Variants in HMGXB3 observed in about 807,000 individuals in gnomAD.
HMGXB3 encodes HMG domain-containing protein 3.
In HMGXB3, 45 loss-of-function variants were observed where a neutral mutation model predicts 121.5. The ratio of observed to expected loss-of-function variants is 0.37; its 90% CI spans 0.29 to 0.47. HMGXB3 has a LOEUF of 0.47. HMGXB3 is among the 20% of genes least tolerant of loss of function. The pLI, the probability that HMGXB3 is intolerant of heterozygous loss-of-function variation, is 0.99. For synonymous variants in HMGXB3, 590 were observed against 624.1 expected (o/e 0.95, Z 0.81); for missense variants, 1,376 against 1,602.2 (o/e 0.86, Z 2.41).
At chr5:150,017,071 T>G (rs1442238740) in intron 5 of HMGXB3, among the ~76,000 whole-genome samples, 1 of 152,242 alleles carries the variant, frequency 6.6e-6, no homozygotes, top group East Asian at 1.9e-4. Context: ...CTCCTGGAAA[T>G]TACTGTTCTT....
At chr5:150,047,512 G>A in intron 16 of HMGXB3, 112 bp from the exon 17 acceptor site, 1 of 1,279,734 alleles carries the variant, frequency 7.8e-7, no homozygotes, top group South Asian at 1.5e-5. Flanking sequence ...GCCAGCACTG[G>A]GGGAGGGCTT....
chr5:150,008,680 T>A (rs1755764980), intron 3 of HMGXB3, among the ~76,000 whole-genome samples: 1 of 152,236 alleles, frequency 6.6e-6, no homozygotes, highest in African/African-American at 2.4e-5. Context: ...CAGGCTCCAG[T>A]GATATGCCTT....
Position 150,041,956 on chromosome 5 carries a change from T to C in HMGXB3, c.2717T>C (p.Leu906Pro). ...AQRSEENVLA[L>P]KSVEFTWPEF... The stretch of plus-strand genomic sequence containing the variant: ...AGGAGTGAAGAGAATGTGCTAGCAC[T>C]GAAGAGCGTGGAGGTAAGTGCCTCT... The change falls in exon 15 of 20, where the codon CTG becomes CCG. Residue 906 changes from leucine to proline, a missense_variant. Coordinates refer to ENST00000502717, the MANE Select transcript of HMGXB3 (RefSeq NM_014983.3). 1 of 1,551,202 alleles carries C rather than the reference T, an allele frequency of 6.4e-7. No individual in the cohort carries two copies. The highest frequency in any genetic ancestry group is 1.2e-5 in the South Asian group (1 of 84,034).
chr5:150,019,132 G>A lies in HMGXB3; in HGVS notation c.1041+435G>A, dbSNP rs546242775. ...CTTTTATTTTTCTTTCTGTTTTTTC[G>A]TGGATATCTCCAATACTATAATATT... is the stretch of plus-strand genomic sequence containing the variant. On this transcript the variant is annotated intron_variant, in intron 6 of 19. Transcript: ENST00000502717. Among the ~76,000 whole-genome samples, 15 of 151,638 alleles carry A rather than the reference G, an allele frequency of 9.9e-5. No individual in the cohort carries two copies. The South Asian group carries it at 1.9e-3, about 19-fold the overall frequency.
At chr5:150,015,205 C>G in intron 5 of HMGXB3, 1 of 253,694 alleles carries the variant, frequency 3.9e-6, no homozygotes, top group South Asian at 1.1e-4. Context: ...GTGTGTTCTT[C>G]ACTGCCCTGG....
chr5:150,022,550 C>T (rs10515635), intron 6 of HMGXB3, among the ~76,000 whole-genome samples: 18,174 of 152,142 alleles, frequency 0.12, 1,311 homozygotes, highest in Admixed American at 0.26. Context: ...TTGTTTTGCT[C>T]AGATTGCTTA....
chr5:150,005,634 A>C (rs10041451), intron 2 of HMGXB3, among the ~76,000 whole-genome samples: 126,378 of 150,336 alleles, frequency 0.84, 53,579 homozygotes, highest in African/African-American at 0.96. Context: ...AAGAAAAAAA[A>C]CACACAAAAA....
At chr5:150,010,039 C>G in intron 3 of HMGXB3, 72 bp from the exon 4 acceptor site, 7 of 1,414,472 alleles carry the variant, frequency 4.9e-6, no homozygotes, top group Non-Finnish European at 6.6e-6. Context: ...ATATATATAT[C>G]TTTCTCTCTC....
chr5:150,005,041 G>A, intron 2 of HMGXB3, 52 bp downstream of exon 2: 3 of 1,519,810 alleles, frequency 2.0e-6, no homozygotes, highest in Non-Finnish European at 2.6e-6. Context: ...GAAGTTGCTT[G>A]GAGAGCTGCA....
chr5:150,006,435 A>G (rs1374705532), intron 2 of HMGXB3, 38 bp from the exon 3 acceptor site: 2 of 1,528,770 alleles, frequency 1.3e-6, no homozygotes, highest in African/African-American at 2.8e-5. Flanking sequence ...CAGCATTGCC[A>G]TTACTGGGAA....
chr5:150,045,340 G>T, intron 15 of HMGXB3, 126 bp from the exon 16 acceptor site: 1 of 761,100 alleles, frequency 1.3e-6, no homozygotes, highest in East Asian at 2.7e-5. Context: ...CTGTGGCAGT[G>T]CCTGGCTGTC....
intron 6 of HMGXB3, among the ~76,000 whole-genome samples, chr5:150,020,521 G>A (rs1357105435): frequency 6.6e-6 from 1 of 151,956 alleles, no homozygotes; most frequent in African/African-American, 2.4e-5. Context: ...TTTTACTTTG[G>A]CTTTTTCATT....
At chr5:150,017,297 T>C (rs1275837057) in intron 5 of HMGXB3, among the ~76,000 whole-genome samples, 6 of 152,234 alleles carry the variant, frequency 3.9e-5, no homozygotes. Flanking sequence ...GTGTTCAGAA[T>C]GAGAATTATA....
At chr5:150,003,634 A>AT (rs35921667) in intron 1 of HMGXB3, among the ~76,000 whole-genome samples, 81,732 of 149,470 alleles carry the variant, frequency 0.55, 25,038 homozygotes, top group Non-Finnish European at 0.69. Context: ...GAACTCTTCC[A>AT]TTTTTTTTTC....
chr5:150,042,106 C>A, intron 15 of HMGXB3, 137 bp downstream of exon 15: 1 of 597,772 alleles, frequency 1.7e-6, no homozygotes, highest in Non-Finnish European at 2.8e-6. Context: ...CTCCCACAGC[C>A]CAAGATTTCA....
intron 8 of HMGXB3, 58 bp downstream of exon 8, chr5:150,026,939 TG>T (rs1321781660): frequency 2.6e-6 from 4 of 1,519,772 alleles, no homozygotes; most frequent in Non-Finnish European, 3.5e-6. Context: ...GGGACAGGAG[TG>T]GGGGGTTGAG....
Position 150,037,505 on chromosome 5 carries a change from C to T in HMGXB3, c.2391C>T (p.His797=), listed in dbSNP as rs1756528476. 2.6e-6 allele frequency: 4 copies of T among 1,535,424 alleles called. No homozygotes were observed. Among genetic ancestry groups the T allele is most frequent in the Middle Eastern group, 3.4e-4 (2 of 5,926 alleles). ...MCLNPHCLAL[H]SFIDIYTGLF... Reference sequence around the variant, plus strand: ...TGAACCCCCATTGTCTGGCCCTGCACAGCTTCATAGACATCTACACAGGTG... The same window carrying T: ...TGAACCCCCATTGTCTGGCCCTGCATAGCTTCATAGACATCTACACAGGTG... The change falls in exon 13 of 20, where the codon CAC becomes CAT. Residue 797 remains histidine, a synonymous_variant. Coordinates refer to ENST00000502717, the MANE Select transcript of HMGXB3 (RefSeq NM_014983.3).
intron 9 of HMGXB3, chr5:150,030,390 A>G (rs1272595600): frequency 5.7e-6 from 1 of 176,190 alleles, no homozygotes; most frequent in Non-Finnish European, 1.2e-5. Flanking sequence ...GTGACATTTT[A>G]GTGAATAGTC....
intron 19 of HMGXB3, 35 bp from the exon 20 acceptor site, chr5:150,051,690 C>T: frequency 6.8e-7 from 1 of 1,461,704 alleles, no homozygotes. Context: ...TTAGTCATTC[C>T]TTCTTATCAA....
Sources: allele counts gnomAD v4.1 joint callset (sites outside exome capture counted in the v4.1 genomes callset), GRCh38; gene constraint gnomAD v4.1.1; transcripts MANE v1.5; gene names NCBI Gene and HGNC (gene_info 2026-07-23, HGNC 2026-07-21).